COL4A4: variants seen among roughly 807,000 people sequenced by gnomAD.
COL4A4 encodes the protein collagen type IV alpha 4 chain.
In COL4A4, 105 loss-of-function variants were observed where a neutral mutation model predicts 192.9. That is an observed-to-expected ratio of 0.54 (90% CI 0.46 to 0.64). The LOEUF is 0.64. Among genes scored for constraint, COL4A4 ranks in the 30% least tolerant of loss-of-function variants. The probability of loss-of-function intolerance (pLI) is 0.00; values close to 1 mark genes in which losing one functional copy is unlikely to be tolerated. For missense variants in COL4A4, 1,967 were observed against 2,169.3 expected (o/e 0.91, Z 1.85); for synonymous variants, 762 against 769.9 (o/e 0.99, Z 0.17).
At chr2:227,117,646 TAA>T (rs35388222) in intron 7 of COL4A4, among the ~76,000 whole-genome samples, 105 of 136,910 alleles carry the variant, frequency 7.7e-4, no homozygotes, top group African/African-American at 2.6e-3. Context: ...GGAGAAATGC[TAA>T]AAAAAAAAAA....
intron 35 of COL4A4, among the ~76,000 whole-genome samples, chr2:227,044,119 G>A (rs1333419248): frequency 2.0e-5 from 3 of 152,218 alleles, no homozygotes; most frequent in Non-Finnish European, 4.4e-5. Context: ...CAGGTTGCCA[G>A]TAGTTTGGAG....
chr2:227,003,228 A>T lies in COL4A4; in HGVS notation c.*4097T>A, dbSNP rs1443051191. 2.0e-5 allele frequency: 3 copies of T among 152,238 alleles called. No individual in the cohort carries two copies. The highest frequency in any genetic ancestry group is 4.4e-5 in the Non-Finnish European group (3 of 68,040). 9.4% of individuals were successfully genotyped at this position (152,238 alleles called of 1,614,324 possible). ...TGAGAATCATAATTCTGTGTAAAAA[A>T]AAAGAAATATTTTTCGTATTAGTTT... On this transcript the variant is annotated 3_prime_UTR_variant, in exon 48 of 48. Transcript: ENST00000396625.
At chr2:227,044,578 T>C (rs1257762419) in intron 35 of COL4A4, among the ~76,000 whole-genome samples, 1 of 151,940 alleles carries the variant, frequency 6.6e-6, no homozygotes, top group African/African-American at 2.4e-5. Flanking sequence ...TACAGTAAAG[T>C]AGCATTATTC....
intron 19 of COL4A4, among the ~76,000 whole-genome samples, chr2:227,098,234 T>C (rs2060310236): frequency 1.3e-5 from 2 of 152,288 alleles, no homozygotes; most frequent in Middle Eastern, 3.4e-3. Context: ...ATTTTACAAG[T>C]AGATGTCAAC....
chr2:227,132,368 A>C (rs72971821), intron 4 of COL4A4, among the ~76,000 whole-genome samples: 499 of 152,242 alleles, frequency 3.3e-3, no homozygotes, highest in Non-Finnish European at 5.8e-3. Flanking sequence ...CTTCTTTACG[A>C]CTGAGGCCTC....
At chr2:227,079,749 T>C (rs2059219862) in intron 24 of COL4A4, among the ~76,000 whole-genome samples, 1 of 152,222 alleles carries the variant, frequency 6.6e-6, no homozygotes, top group Non-Finnish European at 1.5e-5. Context: ...TACTGTAAAA[T>C]TGGAAAGGTA....
chr2:227,039,868 G>T (rs1270336987), intron 37 of COL4A4, among the ~76,000 whole-genome samples: 2 of 152,180 alleles, frequency 1.3e-5, no homozygotes, highest in Non-Finnish European at 2.9e-5. Flanking sequence ...ATCATGAATT[G>T]CTGGAATTCA....
At chr2:227,021,159 G>A (rs181584117) in intron 44 of COL4A4, among the ~76,000 whole-genome samples, 22 of 152,146 alleles carry the variant, frequency 1.4e-4, no homozygotes, top group Non-Finnish European at 2.6e-4. Context: ...GAGCCACTGC[G>A]CCTGGCTGGA....
chr2:227,121,091 G>GGC lies in COL4A4; in HGVS notation c.249_250insGC (p.Pro84AlafsTer11). The GGC allele has an allele frequency of 6.2e-7, 1 of 1,614,124 alleles. No individual in the cohort carries two copies. Among genetic ancestry groups the GGC allele is most frequent in the Non-Finnish European group, 8.5e-7 (1 of 1,179,988 alleles). On this transcript the variant is annotated frameshift_variant, in exon 5 of 48. Transcript: ENST00000396625. LOFTEE classifies it high-confidence loss of function. ...CCTTTCTCTCCTGAAAGCCCAATGG[G>GGC]TCCTGGGGCTCCCAGGGGTCCAATT...
chr2:227,011,449 C>T (rs1389493530), intron 45 of COL4A4, among the ~76,000 whole-genome samples: 2 of 152,144 alleles, frequency 1.3e-5, no homozygotes, highest in Non-Finnish European at 2.9e-5. Context: ...GCTGGAGCTG[C>T]GCTGCAGCTT....
chr2:227,101,270 C>T (rs570115577), intron 17 of COL4A4, among the ~76,000 whole-genome samples: 2 of 152,250 alleles, frequency 1.3e-5, no homozygotes, highest in East Asian at 3.9e-4. Flanking sequence ...TCCCCAGCCA[C>T]GTGGAACTGT....
At chr2:227,125,694 C>T (rs1181108337) in intron 4 of COL4A4, among the ~76,000 whole-genome samples, 1 of 152,152 alleles carries the variant, frequency 6.6e-6, no homozygotes, top group African/African-American at 2.4e-5. Flanking sequence ...GCTGTCCTGT[C>T]CCGGGAGCGC....
intron 12 of COL4A4, among the ~76,000 whole-genome samples, chr2:227,104,856 G>T (rs2060739696): frequency 6.6e-6 from 1 of 151,208 alleles, no homozygotes; most frequent in Non-Finnish European, 1.5e-5. Context: ...GGTCAGGCTG[G>T]TCTCGAACTC....
rs886055712 is a variant in COL4A4 at position 227,005,411 on chromosome 2, T to G, written c.*1914A>C. On this transcript the variant is annotated 3_prime_UTR_variant, in exon 48 of 48. Coordinates refer to ENST00000396625, the MANE Select transcript of COL4A4 (RefSeq NM_000092.5). ...ACTTTTGGTAATAGATAAAGCTTTT[T>G]GGGAAGGAGAAAGGTAATCACAAAT... The G allele has an allele frequency of 6.6e-6, 1 of 152,126 alleles. No homozygotes were observed. Among genetic ancestry groups the G allele is most frequent in the African/African-American group, 2.4e-5 (1 of 41,408 alleles). 9.4% of individuals were successfully genotyped at this position (152,126 alleles called of 1,614,324 possible).
At chr2:227,026,997 G>A (rs1187371309) in intron 42 of COL4A4, among the ~76,000 whole-genome samples, 1 of 152,182 alleles carries the variant, frequency 6.6e-6, no homozygotes, top group South Asian at 2.1e-4. Flanking sequence ...GCTCATGCCT[G>A]TAATCCCAGC....
At position 227,078,060 on chromosome 2, in the gene COL4A4, C is replaced by T. The variant is rs114684841; in HGVS notation, c.1821G>A (p.Ala607=). 2.3e-3 allele frequency: 3,732 copies of T among 1,613,876 alleles called. 64 individuals are homozygous for T. The African/African-American group carries it at 0.044, about 19-fold the overall frequency. Residue 607 remains alanine, a synonymous_variant, in exon 25 of 48, where the codon GCG becomes GCA. Coordinates refer to ENST00000396625, the MANE Select transcript of COL4A4 (RefSeq NM_000092.5). ...CAGGAAATCCTTTACCACCTGGGGT[C>T]GCATCTTCATGATCCCCCTGGGAAT... ...DPGPPGDHED[A]TPGGKGFPGP... is the part of the protein sequence containing the mutation.
chr2:227,136,406 G>A (rs918506522), intron 4 of COL4A4, among the ~76,000 whole-genome samples: 5 of 152,214 alleles, frequency 3.3e-5, no homozygotes, highest in Non-Finnish European at 7.3e-5. Flanking sequence ...GGGCAGAGAA[G>A]TGGAAATATT....
chr2:227,106,512 G>A (rs2150841414), intron 12 of COL4A4, among the ~76,000 whole-genome samples: 1 of 152,146 alleles, frequency 6.6e-6, no homozygotes, highest in East Asian at 1.9e-4. Flanking sequence ...AAATGAGGTG[G>A]GCAAACATGC....
intron 18 of COL4A4, 62 bp from the exon 19 acceptor site, chr2:227,098,860 A>C: frequency 7.3e-7 from 1 of 1,360,790 alleles, no homozygotes; most frequent in Non-Finnish European, 1.0e-6. Flanking sequence ...AATTAAGACA[A>C]CAATTACTTT....
Sources: gnomAD v4.1 joint callset for allele counts (sites outside exome capture counted in the v4.1 genomes callset) on GRCh38, gnomAD v4.1.1 for gene constraint, MANE v1.5 for transcripts, NCBI Gene and HGNC (gene_info 2026-07-23, HGNC 2026-07-21) for gene names.